Variants in MAGI1 observed in about 807,000 individuals in gnomAD.
MAGI1 encodes membrane associated guanylate kinase, WW and PDZ domain containing 1, also known as membrane-associated guanylate kinase, WW and PDZ domain-containing protein 1.
A neutral mutation model predicts 139.9 loss-of-function variants in MAGI1; 58 were observed. The ratio of observed to expected loss-of-function variants is 0.41; its 90% CI spans 0.34 to 0.52. The LOEUF (loss-of-function observed/expected upper bound fraction) is 0.52. Among genes scored for constraint, MAGI1 ranks in the 20% least tolerant of loss-of-function variants. The pLI is 0.12. For synonymous variants in MAGI1, 812 were observed against 737.9 expected (o/e 1.10, Z -1.63); for missense variants, 1,874 against 1,901.6 (o/e 0.99, Z 0.27).
intron 2 of MAGI1, among the ~76,000 whole-genome samples, chr3:65,564,168 C>T (rs925599429): frequency 7.2e-5 from 11 of 151,948 alleles, no homozygotes; most frequent in Non-Finnish European, 1.3e-4. Flanking sequence ...CCAACTGGAA[C>T]GGAGTGCAGG....
At chr3:65,474,772 T>C (rs1387388852) in intron 4 of MAGI1, among the ~76,000 whole-genome samples, 1 of 152,128 alleles carries the variant, frequency 6.6e-6, no homozygotes, top group Non-Finnish European at 1.5e-5. Flanking sequence ...CAACCAATCA[T>C]GATCTCTGAG....
Position 65,494,658 on chromosome 3 carries a change from A to G in MAGI1, c.431-1027T>C, listed in dbSNP as rs565568791. Among the ~76,000 whole-genome samples, 4 of 152,352 alleles carry G rather than the reference A, an allele frequency of 2.6e-5. No individual in the cohort carries two copies. The South Asian group carries it at 8.3e-4, about 32-fold the overall frequency. ...ACGTTTTCCTATATAATAAGCAACGATATTTCCCTATGTCTAGGATCTCTT... is the reference window on the plus strand; with the variant it reads ...ACGTTTTCCTATATAATAAGCAACGGTATTTCCCTATGTCTAGGATCTCTT... On this transcript the variant is annotated intron_variant, in intron 2 of 22. Coordinates refer to ENST00000402939, the MANE Select transcript of MAGI1 (RefSeq NM_001033057.2).
Position 66,038,120 on chromosome 3 carries a change from C to A in MAGI1, c.189G>T (p.Arg63Ser). 1 of 1,612,414 alleles carries A rather than the reference C, an allele frequency of 6.2e-7. No homozygotes were observed. Among genetic ancestry groups the A allele is most frequent in the Non-Finnish European group, 8.5e-7 (1 of 1,179,570 alleles). Residue 63 changes from arginine to serine, a missense_variant, in exon 1 of 23, where the codon AGG becomes AGT. Coordinates refer to ENST00000402939, the MANE Select transcript of MAGI1 (RefSeq NM_001033057.2). ...CCAGAAGCAGCTCCCCTTCGCCCAG[C>A]CTCGGGCCCTCGCCGCCGCCGGGAA... ...AGLPGGGEGP[R>S]LGEGELLLEV...
chr3:66,028,637 A>G (rs2068427730), intron 1 of MAGI1, among the ~76,000 whole-genome samples: 1 of 152,016 alleles, frequency 6.6e-6, no homozygotes, highest in Non-Finnish European at 1.5e-5. Flanking sequence ...CTGCCTGAAC[A>G]CGCAAGAACT....
chr3:65,627,149 T>G (rs1470484099), intron 1 of MAGI1, among the ~76,000 whole-genome samples: 1 of 152,198 alleles, frequency 6.6e-6, no homozygotes, highest in East Asian at 1.9e-4. Context: ...ACACAAATAC[T>G]TACCATTGTG....
chr3:65,809,870 T>C (rs1338318666), intron 1 of MAGI1, among the ~76,000 whole-genome samples: 1 of 152,106 alleles, frequency 6.6e-6, no homozygotes, highest in Non-Finnish European at 1.5e-5. Flanking sequence ...AAAATTCACC[T>C]AGGCTCCTTT....
intron 1 of MAGI1, among the ~76,000 whole-genome samples, chr3:65,776,418 A>C (rs559395980): frequency 1.3e-5 from 2 of 152,298 alleles, no homozygotes; most frequent in South Asian, 4.1e-4. Flanking sequence ...AGTCCCAGGA[A>C]ACACAATTTT....
intron 1 of MAGI1, among the ~76,000 whole-genome samples, chr3:65,786,251 C>CT (rs3077812): frequency 0.18 from 21,073 of 114,736 alleles, 2,543 homozygotes; most frequent in Non-Finnish European, 0.22. Flanking sequence ...CCAATCATAA[C>CT]TTTTTTTTTT....
chr3:65,643,475 A>G (rs1422446533), intron 1 of MAGI1, among the ~76,000 whole-genome samples: 1 of 152,194 alleles, frequency 6.6e-6, no homozygotes, highest in Non-Finnish European at 1.5e-5. Flanking sequence ...GTACAACTAT[A>G]GGCCTTGGAT....
At chr3:65,973,229 C>CCT (rs2065095211) in intron 1 of MAGI1, among the ~76,000 whole-genome samples, 1 of 151,908 alleles carries the variant, frequency 6.6e-6, no homozygotes, top group Admixed American at 6.6e-5. Context: ...ACAGGTGCCC[C>CCT]CTATTCTCAC....
chr3:65,921,789 G>C (rs1431294854), intron 1 of MAGI1, among the ~76,000 whole-genome samples: 1 of 151,920 alleles, frequency 6.6e-6, no homozygotes, highest in Admixed American at 6.6e-5. Context: ...AAAAGTTAAA[G>C]GAACACAGAA....
intron 1 of MAGI1, among the ~76,000 whole-genome samples, chr3:65,974,399 G>GTGGGTGGATGGA (rs1553741434): frequency 2.1e-3 from 11 of 5,196 alleles, no homozygotes; most frequent in South Asian, 0.027. Context: ...GGGTGGATGG[G>GTGGGTGGATGGA]TGGATGGGTG....
intron 1 of MAGI1, among the ~76,000 whole-genome samples, chr3:65,720,560 A>G (rs2032884457): frequency 6.6e-6 from 1 of 152,060 alleles, no homozygotes; most frequent in Admixed American, 6.6e-5. Context: ...ATGTTAGCTC[A>G]CCATCACTAA....
chr3:65,641,405 A>G (rs1244034711), intron 1 of MAGI1, among the ~76,000 whole-genome samples: 2 of 152,192 alleles, frequency 1.3e-5, no homozygotes, highest in Non-Finnish European at 2.9e-5. Flanking sequence ...CAGAATCTAT[A>G]GGGAAGGACT....
Position 65,654,325 on chromosome 3 carries a change from C to T in MAGI1, c.314-32237G>A, listed in dbSNP as rs540514965. ...AATCAATCATCTCTAAGGTTTTTAA[C>T]GTACACACGGAGATATACAAAACTG... On this transcript the variant is annotated intron_variant, in intron 1 of 22. Transcript: ENST00000402939. 1.1e-4 allele frequency among the ~76,000 whole-genome samples: 16 copies of T among 152,242 alleles called. No individual in the cohort carries two copies. The East Asian group carries it at 3.1e-3, about 29-fold the overall frequency.
intron 2 of MAGI1, 63 bp from the exon 3 acceptor site, chr3:65,493,694 C>T: frequency 6.3e-7 from 1 of 1,598,000 alleles, no homozygotes; most frequent in Non-Finnish European, 8.5e-7. Flanking sequence ...AGTTCCACAT[C>T]CAGGTGTAAT....
At chr3:65,598,344 G>A (rs1285067522) in intron 2 of MAGI1, among the ~76,000 whole-genome samples, 1 of 152,154 alleles carries the variant, frequency 6.6e-6, no homozygotes, top group Non-Finnish European at 1.5e-5. Context: ...CCCCATTTGC[G>A]ACATGCTGGA....
At chr3:65,429,209 T>G (rs984098891) in intron 12 of MAGI1, among the ~76,000 whole-genome samples, 10 of 152,150 alleles carry the variant, frequency 6.6e-5, no homozygotes, top group Non-Finnish European at 1.5e-4. Flanking sequence ...GTGATCTTCC[T>G]GCCTCAGCCT....
intron 2 of MAGI1, among the ~76,000 whole-genome samples, chr3:65,508,439 T>C (rs1276882372): frequency 1.3e-5 from 2 of 152,054 alleles, no homozygotes; most frequent in Admixed American, 1.3e-4. Context: ...TAAAATCAAG[T>C]AGCTTTTATT....
Sources: allele counts gnomAD v4.1 joint callset (sites outside exome capture counted in the v4.1 genomes callset), GRCh38; gene constraint gnomAD v4.1.1; transcripts MANE v1.5; gene names NCBI Gene and HGNC (gene_info 2026-07-23, HGNC 2026-07-21).